FSCN1: variants seen among roughly 807,000 people sequenced by gnomAD.
FSCN1 encodes fascin.
Under a neutral mutation model 39.7 loss-of-function variants are expected in FSCN1, and 10 were observed. The ratio of observed to expected loss-of-function variants is 0.25; its 90% CI spans 0.16 to 0.43. The LOEUF is 0.43. Among genes scored for constraint, FSCN1 ranks in the 20% least tolerant of loss-of-function variants. FSCN1 has a pLI of 1.00. For missense variants in FSCN1, 525 were observed against 723.8 expected, an observed-to-expected ratio of 0.73 and a Z score of 3.15; for synonymous variants, 322 against 320.0, an observed-to-expected ratio of 1.01 and a Z score of -0.07.
chr7:5,593,334 G>T lies in FSCN1; in HGVS notation c.398G>T (p.Ser133Ile). Reference protein sequence around the residue: ...AQTVSPAEKWSVHIAMHPQVN... With the variant: ...AQTVSPAEKWIVHIAMHPQVN... ...ACGGTGTCCCCCGCCGAGAAGTGGA[G>T]CGTGCACATCGCCATGCACCCTCAG... Residue 133 changes from serine (S) to isoleucine (I), a missense_variant, in exon 1 of 5, where the codon AGC (serine) becomes ATC (isoleucine). Ser to Ile is a moderately radical substitution (Grantham distance 142). Around this residue, in one of 3 missense-constraint regions of FSCN1, gnomAD observed 246 missense variants for 350.6 expected, o/e 0.70. Transcript: ENST00000382361. The T allele has an allele frequency of 6.2e-7, 1 of 1,612,002 alleles. No homozygotes were observed.
Position 5,593,777 on chromosome 7 carries a change from G to C in FSCN1, c.832+9G>C, listed in dbSNP as rs573212833. ...CGTGTCCACGCGCCAGGGTGAGTGG[G>C]GACGCTGCCCCCGCCTCTCCTGGTC... On this transcript the variant is annotated intron_variant, in intron 1 of 4. Transcript: ENST00000382361. 39 of 1,520,534 alleles carry C rather than the reference G, an allele frequency of 2.6e-5. No individual in the cohort carries two copies. Among genetic ancestry groups the C allele is most frequent in the Non-Finnish European group, 3.4e-5 (38 of 1,127,212 alleles). The allele number at this position is 1,520,534 out of a possible 1,614,324, so 94.2% of individuals were successfully genotyped here.
rs1408891261 is a variant in FSCN1, at chr7:5,592,957, C to A, written c.21C>A (p.Ala7=). The A allele has an allele frequency of 1.9e-6, 3 of 1,563,282 alleles. No individual in the cohort carries two copies. The highest frequency in any genetic ancestry group is 1.4e-5 in the African/African-American group (1 of 73,566). Residue 7 remains alanine (A), a synonymous_variant, in exon 1 of 5, where the codon GCC becomes GCA. Coordinates refer to ENST00000382361, the MANE Select transcript of FSCN1 (RefSeq NM_003088.4). The surrounding 1 kb of genome is among the most constrained non-coding windows in gnomAD (Gnocchi z 5.3). MTANGT[A]EAVQIQFGLI... The stretch of plus-strand genomic sequence containing the variant: ...CCACCATGACCGCCAACGGCACAGC[C>A]GAGGCGGTGCAGATCCAGTTCGGCC...
chr7:5,602,207 C>CT (rs759071204), intron 1 of FSCN1, among the ~76,000 whole-genome samples: 243 of 132,126 alleles, frequency 1.8e-3, no homozygotes, highest in East Asian at 4.7e-3. Context: ...TGCCTGGCCC[C>CT]TTTTTTTTTT....
intron 1 of FSCN1, chr7:5,594,747 CG>C (rs1198147192): frequency 1.3e-5 from 2 of 152,084 alleles, no homozygotes; most frequent in African/African-American, 2.4e-5. Flanking sequence ...CTCCGCTCCG[CG>C]GGCGACCGAG....
chr7:5,599,085 T>A lies in FSCN1; in HGVS notation c.833-4172T>A, dbSNP rs1482098156. 1.3e-5 allele frequency among the ~76,000 whole-genome samples: 2 copies of A among 150,238 alleles called. No homozygotes were observed. Among genetic ancestry groups the A allele is most frequent in the Admixed American group, 6.6e-5 (1 of 15,050 alleles). ...GAGTGAGCAGAGGCCCCAGCCCTCG[T>A]GTTCCCTGGGGTGTGGCCTTAGGAT... On this transcript the variant is annotated intron_variant, in intron 1 of 4. Coordinates refer to ENST00000382361, the MANE Select transcript of FSCN1 (RefSeq NM_003088.4). The surrounding 1 kb of genome is among the most constrained non-coding windows in gnomAD (Gnocchi z 5.6).
At chr7:5,600,392 A>T (rs1785803887) in intron 1 of FSCN1, among the ~76,000 whole-genome samples, 2 of 151,858 alleles carry the variant, frequency 1.3e-5, no homozygotes, top group Admixed American at 1.3e-4. Context: ...CCAGCCCGGG[A>T]GACACAGCGA....
In FSCN1 at chr7:5,603,647, C is replaced by G. The variant is rs11974907; in HGVS notation, c.1111+30C>G. 6.2e-7 allele frequency: 1 copy of G among 1,613,212 alleles called. No individual in the cohort carries two copies. The highest frequency in any genetic ancestry group is 8.5e-7 in the Non-Finnish European group (1 of 1,179,772). ...CACTAAAGCCCCAGTTCCCTGGAGC[C>G]GTCCTGGAGTCCTGGAGGGTCTGGC... On this transcript the variant is annotated intron_variant, in intron 3 of 4. Coordinates refer to ENST00000382361, the MANE Select transcript of FSCN1 (RefSeq NM_003088.4). This position sits in a 1 kb window ranked among gnomAD's most constrained non-coding sequence, Gnocchi z 8.5.
rs753665257 is a variant in FSCN1, at chr7:5,593,517, G to A, written c.581G>A (p.Arg194His). 6.2e-7 allele frequency: 1 copy of A among 1,604,472 alleles called. No homozygotes were observed. Among genetic ancestry groups the A allele is most frequent in the South Asian group, 1.1e-5 (1 of 90,790 alleles). Residue 194 changes from arginine (R) to histidine (H), a missense_variant, in exon 1 of 5, where the codon CGC becomes CAC. Physicochemically the swap from Arg to His is conservative, Grantham distance 29. Transcript: ENST00000382361. ...TACAGCGTGCAGACCGCCGACCACC[G>A]CTTCCTGCGCCACGACGGGCGCCTG... ...QRYSVQTADH[R>H]FLRHDGRLVA...
intron 1 of FSCN1, among the ~76,000 whole-genome samples, chr7:5,594,364 G>T (rs575300741): frequency 6.6e-5 from 10 of 151,994 alleles, no homozygotes; most frequent in South Asian, 2.1e-4. Flanking sequence ...CCGCTGGTGG[G>T]GGGGGGCGCG....
In FSCN1 at chr7:5,605,700, C is replaced by G. The variant is rs1584306105; in HGVS notation, c.*226C>G. On this transcript the variant is annotated 3_prime_UTR_variant, in exon 5 of 5. Coordinates refer to ENST00000382361, the MANE Select transcript of FSCN1 (RefSeq NM_003088.4). This position sits in a 1 kb window ranked among gnomAD's most constrained non-coding sequence, Gnocchi z 6.9. ...CCTCGGGTCAGCGGCTGCGGCCTGG[C>G]CCTGGGAGGGATTTCAGATGCCCCT... 5.8e-6 allele frequency: 3 copies of G among 515,756 alleles called. No homozygotes were observed. The South Asian group carries it at 7.6e-5, about 13-fold the overall frequency. 31.9% of individuals were successfully genotyped at this position (515,756 alleles called of 1,614,324 possible).
At chr7:5,596,278 C>A (rs1785729020) in intron 1 of FSCN1, among the ~76,000 whole-genome samples, 1 of 151,992 alleles carries the variant, frequency 6.6e-6, no homozygotes, top group Admixed American at 6.6e-5. Context: ...ACTTAGCTGG[C>A]AGGGGGGATG....
intron 1 of FSCN1, among the ~76,000 whole-genome samples, chr7:5,597,102 T>C (rs1488507752): frequency 6.6e-6 from 1 of 152,068 alleles, no homozygotes; most frequent in Admixed American, 6.5e-5. Context: ...TCCAAGCACT[T>C]TGGGAGGCCA....
At chr7:5,597,633 C>T (rs1363549699) in intron 1 of FSCN1, among the ~76,000 whole-genome samples, 3 of 151,790 alleles carry the variant, frequency 2.0e-5, no homozygotes, top group Non-Finnish European at 2.9e-5. Flanking sequence ...CACCATTGCA[C>T]TCCAGCCTGG....
At chr7:5,597,365 T>A (rs1222475893) in intron 1 of FSCN1, among the ~76,000 whole-genome samples, 1 of 133,466 alleles carries the variant, frequency 7.5e-6, no homozygotes, top group East Asian at 2.3e-4. Flanking sequence ...CGAGACCCTG[T>A]CTTAAAAAAA....
intron 1 of FSCN1, among the ~76,000 whole-genome samples, chr7:5,597,537 CAT>C: frequency 6.6e-6 from 1 of 151,858 alleles, no homozygotes; most frequent in Non-Finnish European, 1.5e-5. Context: ...CGTGGTGGCG[CAT>C]GCCTGTAATC....
chr7:5,602,265 G>C (rs1359106135), intron 1 of FSCN1, among the ~76,000 whole-genome samples: 2 of 150,508 alleles, frequency 1.3e-5, no homozygotes, highest in Non-Finnish European at 3.0e-5. Flanking sequence ...TTGAACTCCT[G>C]GTCTCAAATG....
At chr7:5,597,376 T>A (rs852484) in intron 1 of FSCN1, among the ~76,000 whole-genome samples, 41,942 of 143,688 alleles carry the variant, frequency 0.29, 8,736 homozygotes, top group African/African-American at 0.6. Flanking sequence ...CTTAAAAAAA[T>A]TTTTTTTGGC....
At chr7:5,600,692 C>G (rs1584302036) in intron 1 of FSCN1, among the ~76,000 whole-genome samples, 1 of 149,224 alleles carries the variant, frequency 6.7e-6, no homozygotes, top group African/African-American at 2.5e-5. Flanking sequence ...CTCGCATTGT[C>G]GCCCAGGCTG....
chr7:5,595,863 G>C (rs1022714395), intron 1 of FSCN1, among the ~76,000 whole-genome samples: 3 of 152,214 alleles, frequency 2.0e-5, no homozygotes, highest in Admixed American at 6.5e-5. Flanking sequence ...CAGAGAGCCT[G>C]AGGGTGTTTT....
Sources: gnomAD v4.1 joint callset for allele counts (sites outside exome capture counted in the v4.1 genomes callset) on GRCh38, gnomAD v4.1.1 for gene constraint, gnomAD v4.1.1 regional missense constraint, Gnocchi (gnomAD v3.1) non-coding constraint, MANE v1.5 for transcripts, NCBI Gene and HGNC (gene_info 2026-07-23, HGNC 2026-07-21) for gene names.